Variants in HHIP observed in about 807,000 individuals in gnomAD.
HHIP encodes hedgehog interacting protein.
A neutral mutation model predicts 74.0 loss-of-function variants in HHIP; 12 were observed. The observed-to-expected ratio is 0.16, with a 90% CI of 0.10 to 0.26. HHIP has a LOEUF of 0.26. HHIP is among the 10% of genes least tolerant of loss of function. The probability of loss-of-function intolerance (pLI) is 1.00; values close to 1 mark genes in which losing one functional copy is unlikely to be tolerated. For missense variants in HHIP, 788 were observed against 845.0 expected (o/e 0.93, Z 0.84); for synonymous variants, 309 against 311.6 (o/e 0.99, Z 0.09).
Position 144,738,130 on chromosome 4 carries a change from T to C in HHIP, c.*173T>C. The C allele has an allele frequency of 7.7e-7, 1 of 1,304,792 alleles. No individual in the cohort carries two copies. The highest frequency in any genetic ancestry group is 9.7e-7 in the Non-Finnish European group (1 of 1,026,624). 80.8% of individuals were successfully genotyped at this position (1,304,792 alleles called of 1,614,324 possible). ...CTCTGTGTGTATGTCAGCATGTTTG[T>C]TCACATATGCACATACACATACTCA... On this transcript the variant is annotated 3_prime_UTR_variant, in exon 13 of 13. Transcript: ENST00000296575.
intron 4 of HHIP, among the ~76,000 whole-genome samples, chr4:144,674,182 T>C (rs1729116154): frequency 6.6e-6 from 1 of 152,228 alleles, no homozygotes; most frequent in Non-Finnish European, 1.5e-5. Flanking sequence ...ATGTGTGCTG[T>C]GCAATTGAAA....
At position 144,647,103 on chromosome 4, in the gene HHIP, C is replaced by T. The variant is rs560149549; in HGVS notation, c.279+149C>T. 5.0e-5 allele frequency: 32 copies of T among 639,836 alleles called. No individual in the cohort carries two copies. In the South Asian group the frequency reaches 7.2e-4, roughly 14 times the overall value. 39.6% of individuals were successfully genotyped at this position (639,836 alleles called of 1,614,324 possible). ...ACTTTTCTATAGCGCTAACGTGATTCCGTTGTGTGTTCCTCTGGGGTAAGC... is the reference window on the plus strand; with the variant it reads ...ACTTTTCTATAGCGCTAACGTGATTTCGTTGTGTGTTCCTCTGGGGTAAGC... On this transcript the variant is annotated intron_variant, in intron 1 of 12. Coordinates refer to ENST00000296575, the MANE Select transcript of HHIP (RefSeq NM_022475.3).
At chr4:144,718,210 G>C (rs1274611210) in intron 10 of HHIP, among the ~76,000 whole-genome samples, 1 of 152,156 alleles carries the variant, frequency 6.6e-6, no homozygotes, top group Non-Finnish European at 1.5e-5. Flanking sequence ...ATTTTAAAGT[G>C]CAGTCAGGAA....
At chr4:144,652,510 G>C (rs1728450423) in intron 1 of HHIP, 95 bp from the exon 2 acceptor site, 1 of 747,382 alleles carries the variant, frequency 1.3e-6, no homozygotes, top group Non-Finnish European at 2.3e-6. Flanking sequence ...GGCTAAATTA[G>C]ACTTTTCTAC....
At chr4:144,731,048 T>C (rs1438328687) in intron 11 of HHIP, among the ~76,000 whole-genome samples, 1 of 152,172 alleles carries the variant, frequency 6.6e-6, no homozygotes, top group Admixed American at 6.6e-5. Flanking sequence ...TGAGTATAAC[T>C]GTACCTTGGA....
chr4:144,695,718 T>A (rs1237918515), intron 4 of HHIP, among the ~76,000 whole-genome samples: 1 of 151,836 alleles, frequency 6.6e-6, no homozygotes, highest in Non-Finnish European at 1.5e-5. Flanking sequence ...AAGTTATGGG[T>A]GTTTCAATTT....
intron 10 of HHIP, among the ~76,000 whole-genome samples, chr4:144,718,516 C>T (rs1447817067): frequency 6.6e-6 from 1 of 152,156 alleles, no homozygotes; most frequent in Non-Finnish European, 1.5e-5. Flanking sequence ...GGAGTGTGAT[C>T]CAACGTACAT....
At chr4:144,654,496 G>A (rs1236441355) in intron 2 of HHIP, among the ~76,000 whole-genome samples, 3 of 152,128 alleles carry the variant, frequency 2.0e-5, no homozygotes, top group Admixed American at 6.5e-5. Context: ...AGAGGGGGCT[G>A]CCCCTGCGTA....
chr4:144,728,048 T>C (rs775893804), intron 11 of HHIP, among the ~76,000 whole-genome samples: 7 of 152,230 alleles, frequency 4.6e-5, no homozygotes, highest in Non-Finnish European at 7.3e-5. Context: ...AAAATGTAAG[T>C]GGCTTCATTA....
At chr4:144,687,147 T>C (rs1469296291) in intron 4 of HHIP, among the ~76,000 whole-genome samples, 2 of 152,236 alleles carry the variant, frequency 1.3e-5, no homozygotes, top group African/African-American at 4.8e-5. Context: ...CAAATAATCC[T>C]GCTTATGTTT....
intron 1 of HHIP, 120 bp from the exon 2 acceptor site, chr4:144,652,485 T>C (rs1421814889): frequency 1.5e-6 from 1 of 646,720 alleles, no homozygotes; most frequent in East Asian, 2.7e-5. Context: ...GTAATTCTTT[T>C]CAAAAAACTT....
At position 144,744,261 on chromosome 4, in the gene HHIP, A is replaced by G. The variant is rs1360674528; in HGVS notation, c.*6304A>G. The G allele has an allele frequency of 6.6e-6, 1 of 152,224 alleles. No homozygotes were observed. The highest frequency in any genetic ancestry group is 6.5e-5 in the Admixed American group (1 of 15,276). 9.4% of individuals were successfully genotyped at this position (152,224 alleles called of 1,614,324 possible). A position where few individuals can be genotyped will look rare whatever the true frequency, so the allele number is the denominator to read the frequency against. On this transcript the variant is annotated 3_prime_UTR_variant, in exon 13 of 13. Transcript: ENST00000296575. ...TGTTGAATCACAATGAACAAACATA[A>G]AACAATACTTAAATGAGAATTCTGT...
intron 4 of HHIP, among the ~76,000 whole-genome samples, chr4:144,667,795 G>C (rs760278309): frequency 1.3e-5 from 2 of 152,090 alleles, no homozygotes; most frequent in Admixed American, 1.3e-4. Flanking sequence ...CATGGTTTCT[G>C]TCAATCTACC....
rs772059623 is a variant in HHIP at position 144,708,183 on chromosome 4, A to G, written c.1173A>G (p.Ser391=). ...EMDGLSDFTG[S]VLRLDVDTDM... is the part of the protein sequence containing the mutation. ...AATTTCTCAGTGATTTCACAGGCTC[A>G]GTGCTACGGCTGGATGTGGACACAG... is the stretch of plus-strand genomic sequence containing the variant. Residue 391 remains serine (S), a synonymous_variant, in exon 7 of 13, where the codon TCA becomes TCG. Transcript: ENST00000296575. The G allele has an allele frequency of 1.9e-6, 3 of 1,614,120 alleles. No homozygotes were observed. The highest frequency in any genetic ancestry group is 3.3e-5 in the Admixed American group (2 of 60,010).
chr4:144,651,910 CTT>C (rs1728437635), intron 1 of HHIP, among the ~76,000 whole-genome samples: 2 of 152,098 alleles, frequency 1.3e-5, no homozygotes, highest in East Asian at 1.9e-4. Context: ...TCGTTAAACT[CTT>C]GTGTTTATTC....
At chr4:144,713,385 CAT>C (rs1332517414) in intron 8 of HHIP, among the ~76,000 whole-genome samples, 27 of 152,218 alleles carry the variant, frequency 1.8e-4, no homozygotes, top group Admixed American at 1.3e-4. Flanking sequence ...TTTGTAGTCT[CAT>C]ATACACCATA....
intron 1 of HHIP, 32 bp from the exon 2 acceptor site, chr4:144,652,573 A>C (rs1203598569): frequency 2.8e-6 from 4 of 1,432,890 alleles, no homozygotes; most frequent in African/African-American, 2.9e-5. Flanking sequence ...TTACCTACTA[A>C]AAAAAGTTTG....
intron 4 of HHIP, among the ~76,000 whole-genome samples, chr4:144,704,349 C>T (rs1730071280): frequency 6.6e-6 from 1 of 151,964 alleles, no homozygotes; most frequent in African/African-American, 2.4e-5. Flanking sequence ...TTTTAAATTG[C>T]TTTTTTGATT....
chr4:144,707,063 T>C, intron 5 of HHIP, 24 bp from the exon 6 acceptor site: 1 of 1,603,308 alleles, frequency 6.2e-7, no homozygotes, highest in Non-Finnish European at 8.5e-7. Flanking sequence ...ACAGTCATGG[T>C]ATTGTTTTCT....
Sources: gnomAD v4.1 joint callset for allele counts (sites outside exome capture counted in the v4.1 genomes callset) on GRCh38, gnomAD v4.1.1 for gene constraint, MANE v1.5 for transcripts, NCBI Gene and HGNC (gene_info 2026-07-23, HGNC 2026-07-21) for gene names.